The following TNS3 variants were observed in gnomAD, a reference collection of about 807,000 sequenced individuals.
TNS3 encodes the protein tensin 3, also known as tensin-3.
Under a neutral mutation model 140.9 loss-of-function variants are expected in TNS3, and 45 were observed. The ratio of observed to expected loss-of-function variants is 0.32; its 90% CI spans 0.25 to 0.41. The LOEUF is 0.41. Ranked by LOEUF, TNS3 falls within the 10% of genes least tolerant of loss-of-function variation. The pLI, the probability that TNS3 is intolerant of heterozygous loss-of-function variation, is 1.00. For synonymous variants in TNS3, 815 were observed against 788.4 expected (o/e 1.03, Z -0.56); for missense variants, 1,716 against 1,906.7 (o/e 0.90, Z 1.86).
intron 3 of TNS3, chr7:47,481,530 G>C: frequency 2.5e-6 from 1 of 403,124 alleles, no homozygotes; most frequent in Non-Finnish European, 3.4e-6. Context: ...TCTGCCTGGT[G>C]GTCTTCAAGA....
At chr7:47,278,354 C>T (rs1023186937) in intron 30 of TNS3, 134 bp from the exon 31 acceptor site, 1 of 974,516 alleles carries the variant, frequency 1.0e-6, no homozygotes, top group African/African-American at 1.6e-5. Context: ...GTGCCCAGCA[C>T]CCTGCTGGCC....
intron 17 of TNS3, among the ~76,000 whole-genome samples, chr7:47,359,426 G>T (rs1238545559): frequency 6.6e-6 from 1 of 152,130 alleles, no homozygotes; most frequent in Non-Finnish European, 1.5e-5. Flanking sequence ...GGGGGTATAA[G>T]GTTTCCCTTT....
intron 1 of TNS3, among the ~76,000 whole-genome samples, chr7:47,576,106 C>G (rs1285477059): frequency 6.6e-6 from 1 of 152,048 alleles, no homozygotes; most frequent in Non-Finnish European, 1.5e-5. Context: ...AAAAACTCAT[C>G]TCTATCACGC....
intron 1 of TNS3, among the ~76,000 whole-genome samples, chr7:47,548,198 C>A (rs1008198190): frequency 6.6e-6 from 1 of 152,202 alleles, no homozygotes; most frequent in African/African-American, 2.4e-5. Context: ...CCACCCACCC[C>A]GTCCCTCCAG....
At chr7:47,427,924 C>T (rs1352588217) in intron 9 of TNS3, among the ~76,000 whole-genome samples, 2 of 152,210 alleles carry the variant, frequency 1.3e-5, no homozygotes, top group Non-Finnish European at 2.9e-5. Flanking sequence ...AGGTGGCTGT[C>T]ATCATCATTA....
At position 47,345,826 on chromosome 7, in the gene TNS3, C is replaced by T. The variant is rs575612519; in HGVS notation, c.2451+361G>A. On this transcript the variant is annotated intron_variant, in intron 18 of 30. Coordinates refer to ENST00000311160, the MANE Select transcript of TNS3 (RefSeq NM_022748.12). ...CTATGGAGAATGGCTAAGGCCAGGC[C>T]TATAAGAGCCCTACCTCGAACCCAC... Among the ~76,000 whole-genome samples the T allele has an allele frequency of 3.9e-5, 6 of 152,338 alleles. No individual in the cohort carries two copies. The East Asian group carries it at 7.7e-4, about 20-fold the overall frequency.
chr7:47,472,697 C>G (rs1289824650), intron 4 of TNS3, among the ~76,000 whole-genome samples: 3 of 152,186 alleles, frequency 2.0e-5, no homozygotes, highest in Non-Finnish European at 2.9e-5. Context: ...CAGCCCACAT[C>G]TCAGCACATC....
intron 15 of TNS3, 35 bp downstream of exon 15, chr7:47,400,358 G>A (rs2151341717): frequency 6.2e-7 from 1 of 1,600,082 alleles, no homozygotes; most frequent in African/African-American, 1.3e-5. Context: ...ACCAGTGTCA[G>A]CAAGGACCAC....
chr7:47,567,616 G>A (rs538488458), intron 1 of TNS3, among the ~76,000 whole-genome samples: 8 of 151,024 alleles, frequency 5.3e-5, no homozygotes, highest in East Asian at 3.9e-4. Flanking sequence ...GCTGGGAGAC[G>A]GAGCTTCCAG....
intron 5 of TNS3, among the ~76,000 whole-genome samples, chr7:47,441,638 T>C (rs1056072096): frequency 6.6e-6 from 1 of 152,222 alleles, no homozygotes; most frequent in Non-Finnish European, 1.5e-5. Context: ...GTCATGAGGA[T>C]CCACAGTGAG....
intron 17 of TNS3, among the ~76,000 whole-genome samples, chr7:47,357,158 C>T (rs1316655712): frequency 6.6e-6 from 1 of 152,068 alleles, no homozygotes; most frequent in Non-Finnish European, 1.5e-5. Context: ...TAGAACATTA[C>T]CTATTTTAAA....
At chr7:47,470,840 G>A (rs1022118147) in intron 4 of TNS3, among the ~76,000 whole-genome samples, 9 of 152,178 alleles carry the variant, frequency 5.9e-5, no homozygotes, top group Non-Finnish European at 1.2e-4. Context: ...CTGCAGAGGT[G>A]GGACAATAGC....
intron 15 of TNS3, among the ~76,000 whole-genome samples, chr7:47,398,963 G>A (rs542363380): frequency 5.3e-5 from 8 of 150,326 alleles, no homozygotes; most frequent in African/African-American, 1.5e-4. Flanking sequence ...TTTGATAAAC[G>A]AATTCAGTAA....
chr7:47,441,463 A>G (rs1447644630), intron 5 of TNS3, among the ~76,000 whole-genome samples: 6 of 152,214 alleles, frequency 3.9e-5, no homozygotes, highest in Non-Finnish European at 8.8e-5. Context: ...AGTGTGAGCC[A>G]CTGTGCCCGG....
chr7:47,464,206 AC>A (rs1796606998), intron 4 of TNS3, among the ~76,000 whole-genome samples: 1 of 152,132 alleles, frequency 6.6e-6, no homozygotes, highest in African/African-American at 2.4e-5. Context: ...CTACCTGAGG[AC>A]CTCTATTGAT....
In TNS3 at chr7:47,340,585, C is replaced by CT. The variant is rs774726583; in HGVS notation, c.2650+4169dup. ...TGTTCCCTGGGATTTTCTTTTTTTT[C>CT]TTTTTTTTTTTTTTGAGACAGAGTC... On this transcript the variant is annotated intron_variant, in intron 20 of 30. Coordinates refer to ENST00000311160, the MANE Select transcript of TNS3 (RefSeq NM_022748.12). Among the ~76,000 whole-genome samples the CT allele has an allele frequency of 2.6e-3, 349 of 134,848 alleles. 3 individuals carry two copies. Among genetic ancestry groups the CT allele is most frequent in the African/African-American group, 6.9e-3 (251 of 36,182 alleles). 88.5% of individuals were successfully genotyped at this position (134,848 alleles called of 152,430 possible). A position where few individuals can be genotyped will look rare whatever the true frequency, so the allele number is the denominator to read the frequency against.
chr7:47,320,843 T>C (rs1048066742), intron 20 of TNS3, among the ~76,000 whole-genome samples: 1 of 152,166 alleles, frequency 6.6e-6, no homozygotes. Flanking sequence ...AGCCCCTCTA[T>C]AAATGGCAGG....
intron 28 of TNS3, among the ~76,000 whole-genome samples, chr7:47,282,378 G>T (rs7782487): frequency 1.3e-5 from 2 of 151,044 alleles, no homozygotes; most frequent in African/African-American, 4.9e-5. Flanking sequence ...CTGACCCTGA[G>T]TCCACCAAAC....
Position 47,389,080 on chromosome 7 carries a change from A to AGAG in TNS3, c.1024+7719_1024+7720insCTC, listed in dbSNP as rs1347493173. On this transcript the variant is annotated intron_variant, in intron 16 of 30. Coordinates refer to ENST00000311160, the MANE Select transcript of TNS3 (RefSeq NM_022748.12). ...AAGAAGAAGAAGAAGAAGAAGAAGA[A>AGAG]GAAGAGGAAGAGGAAGAGGAAGCGG... Among the ~76,000 whole-genome samples, 32 of 65,808 alleles carry AGAG rather than the reference A, an allele frequency of 4.9e-4. 1 individual carries two copies. The highest frequency in any genetic ancestry group is 2.7e-3 in the East Asian group (7 of 2,588). The allele number at this position is 65,808 out of a possible 152,430, so 43.2% of individuals were successfully genotyped here. A position where few individuals can be genotyped will look rare whatever the true frequency, so the allele number is the denominator to read the frequency against.
Sources: allele counts gnomAD v4.1 joint callset (sites outside exome capture counted in the v4.1 genomes callset), GRCh38; gene constraint gnomAD v4.1.1; transcripts MANE v1.5; gene names NCBI Gene and HGNC (gene_info 2026-07-23, HGNC 2026-07-21).